ZNF236: variants seen among roughly 807,000 people sequenced by gnomAD.
The protein encoded by ZNF236 is zinc finger protein 236, also known as regulated by glucose.
A neutral mutation model predicts 191.2 loss-of-function variants in ZNF236; 50 were observed. The ratio of observed to expected loss-of-function variants is 0.26; its 90% CI spans 0.21 to 0.33. The LOEUF (loss-of-function observed/expected upper bound fraction) is 0.33. ZNF236 is among the 10% of genes least tolerant of loss of function. ZNF236 has a pLI of 1.00. For synonymous variants in ZNF236, 907 were observed against 928.8 expected (o/e 0.98, Z 0.43); for missense variants, 1,754 against 2,374.5 (o/e 0.74, Z 5.43).
chr18:76,914,073 A>C (rs1209746455), intron 18 of ZNF236, among the ~76,000 whole-genome samples, 175 bp downstream of exon 18: 1 of 152,222 alleles, frequency 6.6e-6, no homozygotes, highest in East Asian at 1.9e-4. Flanking sequence ...TTTATTACAC[A>C]TAAAAGAAAC....
intron 30 of ZNF236, among the ~76,000 whole-genome samples, chr18:76,964,041 GT>G (rs1158956996): frequency 6.6e-6 from 1 of 151,972 alleles, no homozygotes; most frequent in African/African-American, 2.4e-5. Context: ...GTTATCTTTT[GT>G]TTGTTTGTTT....
chr18:76,834,916 C>G (rs1975277459), intron 1 of ZNF236: 2 of 245,772 alleles, frequency 8.1e-6, no homozygotes, highest in South Asian at 9.9e-5. Flanking sequence ...CACTGATGGT[C>G]ACAAAAGGGA....
Position 76,896,222 on chromosome 18 carries a change from TCAAACACAGTAC to T in ZNF236, c.1690+950_1690+961del, listed in dbSNP as rs542550994. Among the ~76,000 whole-genome samples the T allele has an allele frequency of 5.0e-3, 723 of 145,320 alleles. 9 individuals are homozygous for T. Among genetic ancestry groups the T allele is most frequent in the African/African-American group, 0.017 (679 of 38,924 alleles). ...CTACACACAGGCACCAAATTCAGTA[TCAAACACAGTAC>T]CAAACACAGTACTAAATACAGGTAC... On this transcript the variant is annotated intron_variant, in intron 10 of 30. Transcript: ENST00000320610.
At chr18:76,832,583 T>G (rs1388913687) in intron 1 of ZNF236, among the ~76,000 whole-genome samples, 2 of 152,048 alleles carry the variant, frequency 1.3e-5, no homozygotes, top group African/African-American at 2.4e-5. Flanking sequence ...TTTTTTTTTT[T>G]GTTGTTGTTC....
At chr18:76,945,390 C>T (rs1968234075) in intron 26 of ZNF236, among the ~76,000 whole-genome samples, 1 of 152,188 alleles carries the variant, frequency 6.6e-6, no homozygotes, top group African/African-American at 2.4e-5. Flanking sequence ...CAGCTGTCAA[C>T]AGACATGTCA....
Position 76,971,952 on chromosome 18 carries a change from C to T in ZNF236, c.*3613C>T, listed in dbSNP as rs920989193. On this transcript the variant is annotated 3_prime_UTR_variant, in exon 31 of 31. Coordinates refer to ENST00000320610, the MANE Select transcript of ZNF236 (RefSeq NM_001306089.2). ...CCTTCCCTGACTAAAAAAAGTTAAT[C>T]CAAGGATTGATCGTTGCGAATGTAT... Among the ~76,000 whole-genome samples, 2 of 152,160 alleles carry T rather than the reference C, an allele frequency of 1.3e-5. No individual in the cohort carries two copies. Among genetic ancestry groups the T allele is most frequent in the Non-Finnish European group, 1.5e-5 (1 of 68,020 alleles).
chr18:76,871,610 T>G, intron 4 of ZNF236, 91 bp from the exon 5 acceptor site: 1 of 1,536,414 alleles, frequency 6.5e-7, no homozygotes, highest in Non-Finnish European at 8.9e-7. Flanking sequence ...TGATGACTAG[T>G]CAGCCAAATT....
chr18:76,917,515 G>T (rs1967402169), intron 19 of ZNF236, among the ~76,000 whole-genome samples: 1 of 152,192 alleles, frequency 6.6e-6, no homozygotes, highest in Non-Finnish European at 1.5e-5. Flanking sequence ...GGGGGAAACT[G>T]CAGATGAACT....
At position 76,919,976 on chromosome 18, in the gene ZNF236, G is replaced by A. The variant is rs1389359460; in HGVS notation, c.3475G>A (p.Ala1159Thr). 1 of 1,613,988 alleles carries A rather than the reference G, an allele frequency of 6.2e-7. No individual in the cohort carries two copies. Among genetic ancestry groups the A allele is most frequent in the Admixed American group, 1.7e-5 (1 of 60,032 alleles). ...CATCAGTGAGCTGAGGGACAAGCAG[G>A]CGGAGCTGCAGGACGAGCCCAAGCA... ...DRISELRDKQ[A>T]ELQDEPKHAN... is the part of the protein sequence containing the mutation. The change falls in exon 20 of 31, where the codon GCG (alanine) becomes ACG (threonine). Residue 1159 changes from alanine (A) to threonine (T), a missense_variant. Physicochemically the swap from Ala to Thr is moderately conservative, Grantham distance 58. Coordinates refer to ENST00000320610, the MANE Select transcript of ZNF236 (RefSeq NM_001306089.2). This position sits in a 1 kb window ranked among gnomAD's most constrained non-coding sequence, Gnocchi z 5.3.
intron 20 of ZNF236, among the ~76,000 whole-genome samples, chr18:76,920,421 G>A (rs897218635): frequency 6.6e-6 from 1 of 151,710 alleles, no homozygotes; most frequent in Admixed American, 6.6e-5. Flanking sequence ...TGTAGTGGTG[G>A]GTGCCTGTAA....
At chr18:76,939,887 G>A (rs111345444) in intron 26 of ZNF236, among the ~76,000 whole-genome samples, 328 of 141,082 alleles carry the variant, frequency 2.3e-3, no homozygotes, top group African/African-American at 8.2e-3. Flanking sequence ...TTGGGAACAT[G>A]GTGGGCTGCC....
chr18:76,924,017 G>A lies in ZNF236; in HGVS notation c.3661+843G>A, dbSNP rs142683216. On this transcript the variant is annotated intron_variant, in intron 21 of 30. Coordinates refer to ENST00000320610, the MANE Select transcript of ZNF236 (RefSeq NM_001306089.2). The stretch of plus-strand genomic sequence containing the variant: ...TGTTGGTTATAAGCAGAATTCAACA[G>A]ACAAGAACAAATGGACTTTCACACA... 2.4e-3 allele frequency among the ~76,000 whole-genome samples: 370 copies of A among 152,260 alleles called. 1 individual carries two copies. The highest frequency in any genetic ancestry group is 8.2e-3 in the African/African-American group (340 of 41,562).
intron 27 of ZNF236, among the ~76,000 whole-genome samples, chr18:76,949,652 A>AT (rs1968354971): frequency 2.0e-5 from 3 of 150,498 alleles, no homozygotes; most frequent in South Asian, 4.2e-4. Flanking sequence ...GTTCAGCAGC[A>AT]TTATTTCTCT....
Position 76,908,492 on chromosome 18 carries a change from C to T in ZNF236, c.2470C>T (p.Leu824=). 1 of 1,614,100 alleles carries T rather than the reference C, an allele frequency of 6.2e-7. No individual in the cohort carries two copies. The highest frequency in any genetic ancestry group is 1.7e-5 in the Admixed American group (1 of 60,030). The change falls in exon 14 of 31, where the codon CTG becomes TTG. Residue 824 remains leucine, a synonymous_variant. Transcript: ENST00000320610. ...VAANPEAMLD[L]EPQHVVGTEE... ...AGCGAACCCCGAGGCCATGCTGGACCTGGAGCCTCAGCATGTGGTGGGCAC... is the reference window on the plus strand; with the variant it reads ...AGCGAACCCCGAGGCCATGCTGGACTTGGAGCCTCAGCATGTGGTGGGCAC...
chr18:76,835,609 A>G (rs1975300438), intron 1 of ZNF236, among the ~76,000 whole-genome samples: 1 of 152,124 alleles, frequency 6.6e-6, no homozygotes, highest in Non-Finnish European at 1.5e-5. Flanking sequence ...CACCTGCACC[A>G]TGACTGCTTT....
intron 25 of ZNF236, among the ~76,000 whole-genome samples, chr18:76,933,513 ACT>A (rs1027081956): frequency 2.1e-4 from 30 of 144,130 alleles, no homozygotes; most frequent in African/African-American, 1.5e-4. Context: ...TCTCTCTCTC[ACT>A]CTCTCTCTCT....
intron 1 of ZNF236, among the ~76,000 whole-genome samples, chr18:76,823,503 A>C (rs1974926831): frequency 6.6e-6 from 1 of 151,508 alleles, no homozygotes; most frequent in Admixed American, 6.6e-5. Flanking sequence ...TCGTGCATAC[A>C]GTAGGCATCA....
At chr18:76,943,367 T>C (rs1430240692) in intron 26 of ZNF236, among the ~76,000 whole-genome samples, 2 of 152,112 alleles carry the variant, frequency 1.3e-5, no homozygotes, top group African/African-American at 4.8e-5. Context: ...AGGCCGGTGG[T>C]AGTTGTGTGT....
intron 1 of ZNF236, among the ~76,000 whole-genome samples, chr18:76,842,329 G>A (rs1179541525): frequency 2.0e-5 from 3 of 151,608 alleles, no homozygotes; most frequent in Non-Finnish European, 2.9e-5. Flanking sequence ...CAGTCAGATA[G>A]TTGCCTTTTT....
Sources: gnomAD v4.1 joint callset for allele counts (sites outside exome capture counted in the v4.1 genomes callset) on GRCh38, gnomAD v4.1.1 for gene constraint, Gnocchi (gnomAD v3.1) non-coding constraint, MANE v1.5 for transcripts, NCBI Gene and HGNC (gene_info 2026-07-23, HGNC 2026-07-21) for gene names.